The following WBP2NL variants were observed in gnomAD, a reference collection of about 807,000 sequenced individuals.
WBP2NL encodes WBP2 N-terminal like.
A neutral mutation model predicts 23.3 loss-of-function variants in WBP2NL; 27 were observed. That is an observed-to-expected ratio of 1.16 (90% CI 0.85 to 1.60). The LOEUF is 1.60. WBP2NL is among the 40% of genes most tolerant of loss of function. The probability of loss-of-function intolerance (pLI) is 0.00; values close to 1 mark genes in which losing one functional copy is unlikely to be tolerated. For missense variants in WBP2NL, 370 were observed against 389.5 expected, an observed-to-expected ratio of 0.95 and a Z score of 0.42; for synonymous variants, 151 against 145.9, an observed-to-expected ratio of 1.03 and a Z score of -0.25.
At chr22:42,041,009 C>T (rs569354533) in intron 8 of WBP2NL, among the ~76,000 whole-genome samples, 2 of 152,156 alleles carry the variant, frequency 1.3e-5, no homozygotes, top group Non-Finnish European at 2.9e-5. Flanking sequence ...ATATTGAATT[C>T]TCCTACTATT....
At chr22:42,042,341 C>T (rs888839476) in intron 8 of WBP2NL, among the ~76,000 whole-genome samples, 12 of 152,060 alleles carry the variant, frequency 7.9e-5, no homozygotes, top group African/African-American at 2.2e-4. Context: ...AAGCTTTCTT[C>T]GTACATTTTA....
downstream of WBP2NL, chr22:42,031,162 C>T (rs77397151): frequency 2.0e-5 from 3 of 152,324 alleles, no homozygotes; most frequent in Non-Finnish European, 4.4e-5. Flanking sequence ...TTTGGACCCA[C>T]GTGGTGCTGC....
chr22:42,045,031 A>G (rs1444706354), intron 8 of WBP2NL, among the ~76,000 whole-genome samples: 3 of 151,880 alleles, frequency 2.0e-5, no homozygotes, highest in Non-Finnish European at 4.4e-5. Flanking sequence ...GCATCTCACT[A>G]TGTTGCCCGG....
chr22:42,022,615 T>C (rs993238427), intron 5 of WBP2NL, among the ~76,000 whole-genome samples: 7 of 152,166 alleles, frequency 4.6e-5, no homozygotes, highest in Non-Finnish European at 1.0e-4. Context: ...GTGGGAAGGG[T>C]CACTTCCTGT....
intron 8 of WBP2NL, among the ~76,000 whole-genome samples, chr22:42,049,437 T>C (rs1279843067): frequency 6.6e-6 from 1 of 152,124 alleles, no homozygotes; most frequent in Admixed American, 6.5e-5. Flanking sequence ...ATTCCTGTAA[T>C]CCTAGCACTT....
intron 8 of WBP2NL, among the ~76,000 whole-genome samples, chr22:42,058,097 T>A (rs1309792536): frequency 6.7e-6 from 1 of 150,046 alleles, no homozygotes; most frequent in Non-Finnish European, 1.5e-5. Context: ...TTTGTATTTT[T>A]AATAGAGATG....
At chr22:42,054,595 C>G (rs1925964120) in intron 8 of WBP2NL, among the ~76,000 whole-genome samples, 1 of 151,606 alleles carries the variant, frequency 6.6e-6, no homozygotes, top group East Asian at 1.9e-4. Flanking sequence ...TTCAGTCTTA[C>G]ATTTAGGTCT....
At chr22:42,023,245 C>T (rs1924135444) in intron 5 of WBP2NL, among the ~76,000 whole-genome samples, 1 of 151,264 alleles carries the variant, frequency 6.6e-6, no homozygotes, top group South Asian at 2.1e-4. Flanking sequence ...AGTGCAGTGG[C>T]ACTATCATGG....
At chr22:42,003,321 G>A (rs129855) in intron 1 of WBP2NL, 65,316 of 152,428 alleles carry the variant, frequency 0.43, 15,100 homozygotes, top group East Asian at 0.85. Flanking sequence ...GAAAAAAGCA[G>A]TTGTGACTAT....
chr22:42,053,955 T>C (rs893310564), intron 8 of WBP2NL, among the ~76,000 whole-genome samples: 2 of 152,128 alleles, frequency 1.3e-5, no homozygotes, highest in Non-Finnish European at 1.5e-5. Flanking sequence ...TTTAACTTTG[T>C]TTATTTTTTA....
At chr22:42,034,016 C>T (rs960993860), downstream of WBP2NL, among the ~76,000 whole-genome samples, 13 of 152,320 alleles carry the variant, frequency 8.5e-5, no homozygotes, top group Admixed American at 3.3e-4. Flanking sequence ...TGCCTCCTTC[C>T]GTTGATGGTA....
At chr22:42,037,850 AGTGTGTGTGTGTGT>A (rs145563548), downstream of WBP2NL, among the ~76,000 whole-genome samples, 3 of 143,714 alleles carry the variant, frequency 2.1e-5, no homozygotes, top group Non-Finnish European at 3.1e-5. Flanking sequence ...AGAGAGTGAG[AGTGTGTGTGTGTGT>A]GTGTGTGTGT....
chr22:42,019,816 T>G lies in WBP2NL; in HGVS notation c.313+13T>G. 6.2e-7 allele frequency: 1 copy of G among 1,611,716 alleles called. No individual in the cohort carries two copies. The highest frequency in any genetic ancestry group is 2.2e-5 in the East Asian group (1 of 44,870). ...GCAGCTCCATATGGTAAGTGTTCCC[T>G]CAGAAGTGTGTATTTTTTTTTCCCT... is the stretch of plus-strand genomic sequence containing the variant. On this transcript the variant is annotated intron_variant, in intron 3 of 5. Transcript: ENST00000328823.
chr22:42,013,820 G>T (rs1923061598), intron 1 of WBP2NL, among the ~76,000 whole-genome samples: 1 of 150,486 alleles, frequency 6.6e-6, no homozygotes, highest in Non-Finnish European at 1.5e-5. Flanking sequence ...TCACTCTGTT[G>T]CCCAGACTGG....
At chr22:42,026,681 C>T (rs1166542899) in intron 5 of WBP2NL, 85 bp from the exon 6 acceptor site, 5 of 1,538,370 alleles carry the variant, frequency 3.3e-6, no homozygotes, top group Admixed American at 2.1e-5. Context: ...CAGTTTGCTT[C>T]AGCATTATTT....
At chr22:42,030,566 G>A (rs964968048), downstream of WBP2NL, 2 of 152,226 alleles carry the variant, frequency 1.3e-5, no homozygotes, top group Admixed American at 6.5e-5. Flanking sequence ...GGGAAAGTGT[G>A]GCTGTAAACC....
intron 4 of WBP2NL, among the ~76,000 whole-genome samples, chr22:42,021,147 T>A (rs998943768): frequency 1.3e-5 from 2 of 151,610 alleles, no homozygotes; most frequent in African/African-American, 2.4e-5. Context: ...CTCGAACTCC[T>A]GACCTCAGGA....
chr22:42,010,720 A>G (rs1459389734), intron 1 of WBP2NL, among the ~76,000 whole-genome samples: 1 of 151,796 alleles, frequency 6.6e-6, no homozygotes, highest in Non-Finnish European at 1.5e-5. Flanking sequence ...TTGTATTTTT[A>G]GTAGAGATGG....
Position 42,052,862 on chromosome 22 carries a change from C to A in WBP2NL, c.*274-5428C>A, listed in dbSNP as rs1925885126. 1.3e-5 allele frequency among the ~76,000 whole-genome samples: 2 copies of A among 152,136 alleles called. 1 individual carries two copies. The highest frequency in any genetic ancestry group is 6.3e-3 in the Middle Eastern group (2 of 316). On this transcript the variant is annotated intron_variant and NMD_transcript_variant, in intron 8 of 8. Coordinates refer to the WBP2NL transcript ENST00000436265. Reference sequence around the variant, plus strand: ...CAGCTAATTGTAGGCTCTCTGTATACCTGAAAGGCTCCAGTCAGGAGGCAA... The same window carrying A: ...CAGCTAATTGTAGGCTCTCTGTATAACTGAAAGGCTCCAGTCAGGAGGCAA...
Sources: gnomAD v4.1 joint callset for allele counts (sites outside exome capture counted in the v4.1 genomes callset) on GRCh38, gnomAD v4.1.1 for gene constraint, MANE v1.5 for transcripts, NCBI Gene and HGNC (gene_info 2026-07-23, HGNC 2026-07-21) for gene names.